The following NINL variants were observed in gnomAD, a reference collection of about 807,000 sequenced individuals.
The protein encoded by NINL is ninein-like protein.
In NINL, 153 loss-of-function variants were observed where a neutral mutation model predicts 160.3. The observed-to-expected ratio is 0.95, with a 90% CI of 0.84 to 1.09. NINL has a LOEUF of 1.09. Ranked by LOEUF, NINL falls within the 50% of genes least tolerant of loss-of-function variation. The pLI is 0.00. For synonymous variants in NINL, 800 were observed against 734.8 expected (o/e 1.09, Z -1.43); for missense variants, 1,829 against 1,764.0 (o/e 1.04, Z -0.66).
At chr20:25,579,743 T>C (rs1449585168) in intron 1 of NINL, among the ~76,000 whole-genome samples, 1 of 152,194 alleles carries the variant, frequency 6.6e-6, no homozygotes, top group Non-Finnish European at 1.5e-5. Context: ...AGAGGCTGTG[T>C]GCAGAAGAGA....
intron 1 of NINL, among the ~76,000 whole-genome samples, chr20:25,553,500 A>G (rs1339509853): frequency 3.3e-5 from 5 of 152,228 alleles, no homozygotes. Flanking sequence ...AACAATTTTA[A>G]GAAAAATAAT....
chr20:25,498,360 G>C lies in NINL; in HGVS notation c.1033-14C>G. On this transcript the variant is annotated splice_polypyrimidine_tract_variant and intron_variant, in intron 8 of 23. Coordinates refer to ENST00000278886, the MANE Select transcript of NINL (RefSeq NM_025176.6). ...GAAGTCCAGGCTCTGGAAGCAGCAA[G>C]CCTGGTAAGCAGGAGAGGCTGAGGG... is the stretch of plus-strand genomic sequence containing the variant. The C allele has an allele frequency of 6.2e-7, 1 of 1,611,818 alleles. No individual in the cohort carries two copies. The highest frequency in any genetic ancestry group is 8.5e-7 in the Non-Finnish European group (1 of 1,179,916).
chr20:25,558,345 G>C (rs2064894066), intron 1 of NINL, among the ~76,000 whole-genome samples: 1 of 151,830 alleles, frequency 6.6e-6, no homozygotes, highest in Non-Finnish European at 1.5e-5. Flanking sequence ...GTAGCTGGGA[G>C]GACACACACC....
Position 25,489,990 on chromosome 20 carries a change from G to C in NINL, c.1486-5C>G. The C allele has an allele frequency of 6.2e-7, 1 of 1,613,416 alleles. No homozygotes were observed. The highest frequency in any genetic ancestry group is 8.5e-7 in the Non-Finnish European group (1 of 1,179,482). ...CTTCTGTAGGCGACTGTTTTCCTAG[G>C]AGACACAGGCCAGTGGCTCATCAGG... On this transcript the variant is annotated splice_polypyrimidine_tract_variant and splice_region_variant and intron_variant, in intron 11 of 23. Coordinates refer to ENST00000278886, the MANE Select transcript of NINL (RefSeq NM_025176.6).
chr20:25,453,572 G>C lies in NINL; in HGVS notation c.4028C>G (p.Ala1343Gly). 6.2e-7 allele frequency: 1 copy of C among 1,614,102 alleles called. No individual in the cohort carries two copies. Among genetic ancestry groups the C allele is most frequent in the African/African-American group, 1.3e-5 (1 of 75,040 alleles). ...CTGCTTCTCCTCGGTGGCCTGAAGT[G>C]CTCTCACCAGGTGGGCGTTCTCCAC... ...LYVENAHLVR[A>G]LQATEEKQRG... The change falls in exon 24 of 24, where the codon GCA (alanine) becomes GGA (glycine). Residue 1343 changes from alanine (A) to glycine (G), a missense_variant. By Grantham distance (60) the Ala-to-Gly change is moderately conservative. Transcript: ENST00000278886.
intron 17 of NINL, among the ~76,000 whole-genome samples, chr20:25,475,018 G>C (rs373903568): frequency 3.9e-5 from 6 of 151,940 alleles, no homozygotes; most frequent in African/African-American, 1.5e-4. Flanking sequence ...CCTGACCTCA[G>C]GTGATCCACC....
At chr20:25,559,540 G>T (rs2064907821) in intron 1 of NINL, among the ~76,000 whole-genome samples, 1 of 151,764 alleles carries the variant, frequency 6.6e-6, no homozygotes, top group African/African-American at 2.4e-5. Flanking sequence ...CACCCAGCTG[G>T]GAGGGCCTTT....
chr20:25,574,446 AG>A (rs2147183763), intron 1 of NINL, among the ~76,000 whole-genome samples: 1 of 152,330 alleles, frequency 6.6e-6, no homozygotes, highest in South Asian at 2.1e-4. Flanking sequence ...GAAGACCCAA[AG>A]AACAAGTACA....
At chr20:25,485,188 C>T (rs1250781095) in intron 13 of NINL, among the ~76,000 whole-genome samples, 2 of 152,196 alleles carry the variant, frequency 1.3e-5, no homozygotes, top group African/African-American at 2.4e-5. Flanking sequence ...AAGCAGAACT[C>T]GGCCAGCAGG....
chr20:25,544,807 G>A (rs563964515), intron 1 of NINL, among the ~76,000 whole-genome samples: 30 of 152,196 alleles, frequency 2.0e-4, no homozygotes, highest in Non-Finnish European at 4.1e-4. Flanking sequence ...ACAGACTTCT[G>A]GTTTCTGAGC....
intron 5 of NINL, among the ~76,000 whole-genome samples, chr20:25,510,431 G>A (rs773501640): frequency 1.3e-5 from 2 of 152,218 alleles, no homozygotes; most frequent in East Asian, 1.9e-4. Flanking sequence ...ATGCTCCCTC[G>A]GCCACGGGCC....
intron 1 of NINL, among the ~76,000 whole-genome samples, chr20:25,555,983 A>AT (rs1029442310): frequency 1.0e-5 from 1 of 97,106 alleles, no homozygotes; most frequent in African/African-American, 4.4e-5. Flanking sequence ...CTTATTTTCA[A>AT]TAAAAAAAAA....
chr20:25,504,761 A>G, intron 6 of NINL, 127 bp downstream of exon 6: 3 of 998,076 alleles, frequency 3.0e-6, no homozygotes, highest in Non-Finnish European at 4.4e-6. Context: ...AGAGCCACCA[A>G]AGGATTTTAG....
intron 1 of NINL, among the ~76,000 whole-genome samples, chr20:25,558,416 C>T (rs1251724355): frequency 6.6e-6 from 1 of 152,168 alleles, no homozygotes; most frequent in Non-Finnish European, 1.5e-5. Flanking sequence ...CCATGTTGGC[C>T]AGGCCAGTCT....
intron 1 of NINL, among the ~76,000 whole-genome samples, chr20:25,542,756 C>T (rs557913497): frequency 1.7e-4 from 19 of 108,752 alleles, no homozygotes; most frequent in Non-Finnish European, 3.1e-4. Flanking sequence ...AAAGCCTGGG[C>T]GTGGTGGCTC....
intron 1 of NINL, among the ~76,000 whole-genome samples, chr20:25,555,746 C>A (rs1383719654): frequency 1.3e-5 from 2 of 152,138 alleles, no homozygotes; most frequent in African/African-American, 4.8e-5. Context: ...ACAATCTGGG[C>A]TCACTGCAAC....
At position 25,491,356 on chromosome 20, in the gene NINL, G is replaced by A. The variant is rs1200361924; in HGVS notation, c.1480C>T (p.Leu494=). The change falls in exon 11 of 24, where the codon CTG becomes TTG. Residue 494 remains leucine (L), a synonymous_variant. Coordinates refer to ENST00000278886, the MANE Select transcript of NINL (RefSeq NM_025176.6). ...AGLREKLTLA[L]KENSRLQKEI... Reference sequence around the variant, plus strand: ...TGCCCTGGGGATGCCCCTACCTTCAGGGCCAGGGTCAGCTTCTCGCGGAGG... The same window carrying A: ...TGCCCTGGGGATGCCCCTACCTTCAAGGCCAGGGTCAGCTTCTCGCGGAGG... 1 of 1,607,172 alleles carries A rather than the reference G, an allele frequency of 6.2e-7. No homozygotes were observed. Among genetic ancestry groups the A allele is most frequent in the Non-Finnish European group, 8.5e-7 (1 of 1,178,712 alleles).
At chr20:25,494,515 C>T (rs897733494) in intron 10 of NINL, among the ~76,000 whole-genome samples, 4 of 152,218 alleles carry the variant, frequency 2.6e-5, no homozygotes, top group African/African-American at 9.7e-5. Context: ...ACACTAACTC[C>T]CCACACCATG....
intron 4 of NINL, among the ~76,000 whole-genome samples, chr20:25,511,025 G>T (rs1285836492): frequency 2.6e-5 from 4 of 152,192 alleles, no homozygotes; most frequent in Non-Finnish European, 5.9e-5. Context: ...GTCATCAACA[G>T]TTGACACTGA....
Sources: gnomAD v4.1 joint callset for allele counts (sites outside exome capture counted in the v4.1 genomes callset) on GRCh38, gnomAD v4.1.1 for gene constraint, MANE v1.5 for transcripts, NCBI Gene and HGNC (gene_info 2026-07-23, HGNC 2026-07-21) for gene names.